The following FAM83F variants were observed in gnomAD, a reference collection of about 807,000 sequenced individuals.
FAM83F encodes the protein protein FAM83F.
In FAM83F, 45 loss-of-function variants were observed where a neutral mutation model predicts 42.9. That is an observed-to-expected ratio of 1.05 (90% CI 0.83 to 1.35). FAM83F has a LOEUF of 1.35. Among genes scored for constraint, FAM83F ranks in the 40% most tolerant of loss-of-function variants. The pLI, the probability that FAM83F is intolerant of heterozygous loss-of-function variation, is 0.00. For synonymous variants in FAM83F, 306 were observed against 298.3 expected (o/e 1.03, Z -0.27); for missense variants, 617 against 695.9 (o/e 0.89, Z 1.28).
At chr22:40,010,385 G>A (rs976082342) in intron 1 of FAM83F, among the ~76,000 whole-genome samples, 12 of 152,192 alleles carry the variant, frequency 7.9e-5, no homozygotes, top group Non-Finnish European at 1.6e-4. Context: ...AGACCAAAGC[G>A]GAGGGTAATT....
intron 1 of FAM83F, among the ~76,000 whole-genome samples, chr22:40,006,069 G>A (rs144008558): frequency 0.015 from 2,286 of 152,220 alleles, 44 homozygotes; most frequent in African/African-American, 0.052. Flanking sequence ...GCGAAGCCCC[G>A]TCTCTACTGA....
At chr22:40,000,137 A>G (rs2067391745) in intron 1 of FAM83F, among the ~76,000 whole-genome samples, 1 of 152,194 alleles carries the variant, frequency 6.6e-6, no homozygotes, top group Admixed American at 6.5e-5. Context: ...TGGGGAAGCA[A>G]GTGTCTGGAG....
intron 1 of FAM83F, among the ~76,000 whole-genome samples, chr22:40,007,721 GTCC>G (rs1430826379): frequency 3.2e-5 from 4 of 125,042 alleles, no homozygotes; most frequent in Non-Finnish European, 1.7e-5. Context: ...TCTTCCTCCT[GTCC>G]TCCTCCTCTC....
intron 1 of FAM83F, among the ~76,000 whole-genome samples, chr22:40,007,485 C>T (rs2067439752): frequency 9.5e-5 from 2 of 21,070 alleles, no homozygotes; most frequent in East Asian, 1.6e-3. Flanking sequence ...TCCTCCTCCT[C>T]TCCTCTCCTC....
At chr22:39,996,526 T>C (rs1240515401) in intron 1 of FAM83F, among the ~76,000 whole-genome samples, 1 of 152,220 alleles carries the variant, frequency 6.6e-6, no homozygotes, top group Non-Finnish European at 1.5e-5. Context: ...ACACTGAGAT[T>C]TGTTAAGAAA....
intron 3 of FAM83F, 110 bp downstream of exon 3, chr22:40,020,118 T>G: frequency 7.0e-7 from 1 of 1,431,482 alleles, no homozygotes; most frequent in Non-Finnish European, 9.3e-7. Context: ...ACAGGGATCA[T>G]CTGACGCAAT....
rs1410730489 is a variant in FAM83F, at chr22:39,995,153, G to T, written c.111G>T (p.Ala37=). 5.8e-6 allele frequency: 8 copies of T among 1,383,108 alleles called. No individual in the cohort carries two copies. The East Asian group carries it at 2.1e-4, about 36-fold the overall frequency. 85.7% of individuals were successfully genotyped at this position (1,383,108 alleles called of 1,614,324 possible). A position where few individuals can be genotyped will look rare whatever the true frequency, so the allele number is the denominator to read the frequency against. ...YCERRRAALE[A]LLGGGEQAYR... is the part of the protein sequence containing the mutation. The stretch of plus-strand genomic sequence containing the variant: ...AGCGGCGGCGGGCCGCGCTGGAGGC[G>T]CTGCTGGGCGGCGGCGAGCAGGCCT... The change falls in exon 1 of 5, where the codon GCG becomes GCT. Residue 37 remains alanine (A), a synonymous_variant. Coordinates refer to ENST00000333407, the MANE Select transcript of FAM83F (RefSeq NM_138435.4). This position sits in a 1 kb window ranked among gnomAD's most constrained non-coding sequence, Gnocchi z 4.6.
In FAM83F at chr22:39,995,516, C is replaced by T. The variant is rs1371453338; in HGVS notation, c.474C>T (p.Ile158=). 6.4e-7 allele frequency: 1 copy of T among 1,569,522 alleles called. No homozygotes were observed. Among genetic ancestry groups the T allele is most frequent in the Admixed American group, 1.8e-5 (1 of 54,784 alleles). Residue 158 remains isoleucine (I), a synonymous_variant, in exon 1 of 5, where the codon ATC becomes ATT. Transcript: ENST00000333407. This position sits in a 1 kb window ranked among gnomAD's most constrained non-coding sequence, Gnocchi z 4.6. ...TCAAGCAGGTGGTCAGGCAGATGAT[C>T]CAACAGGCCCAGAAGGTAGGCCCCC... ...PHLKQVVRQM[I]QQAQKVIAVV... is the part of the protein sequence containing the mutation.
rs1229339322 is a variant in FAM83F at position 39,995,003 on chromosome 22, GCGGGGCCGGGGCCAGGGC to G, written c.-26_-9del. ...TGCGGCTGTGGGACCTCGGACCGCG[GCGGGGCCGGGGCCAGGGC>G]CGGGGCCGGGGCCGGGGCGCCATGG... is the stretch of plus-strand genomic sequence containing the variant. On this transcript the variant is annotated 5_prime_UTR_variant, in exon 1 of 5. Transcript: ENST00000333407. The surrounding 1 kb of genome is among the most constrained non-coding windows in gnomAD (Gnocchi z 4.6). The G allele has an allele frequency of 4.7e-4, 565 of 1,209,256 alleles. No homozygotes were observed. The highest frequency in any genetic ancestry group is 5.3e-4 in the Non-Finnish European group (529 of 988,974). 74.9% of individuals were successfully genotyped at this position (1,209,256 alleles called of 1,614,324 possible). A position where few individuals can be genotyped will look rare whatever the true frequency, so the allele number is the denominator to read the frequency against.
intron 1 of FAM83F, among the ~76,000 whole-genome samples, chr22:40,000,253 G>A (rs1488923628): frequency 6.6e-6 from 1 of 152,168 alleles, no homozygotes; most frequent in Non-Finnish European, 1.5e-5. Context: ...GATATGGGGT[G>A]CAGGGAGGGA....
At chr22:40,018,422 T>C (rs12166056) in intron 1 of FAM83F, among the ~76,000 whole-genome samples, 1 of 152,154 alleles carries the variant, frequency 6.6e-6, no homozygotes, top group Non-Finnish European at 1.5e-5. Context: ...AGATCTCCCA[T>C]GATATGGCTT....
chr22:40,010,400 C>T (rs2067456639), intron 1 of FAM83F, among the ~76,000 whole-genome samples: 1 of 152,208 alleles, frequency 6.6e-6, no homozygotes, highest in Non-Finnish European at 1.5e-5. Context: ...GTAATTATCA[C>T]TTCTCCACAA....
chr22:40,007,573 T>C (rs1601764790), intron 1 of FAM83F, among the ~76,000 whole-genome samples: 1 of 45,328 alleles, frequency 2.2e-5, no homozygotes, highest in African/African-American at 9.0e-5. Flanking sequence ...CTCCTCCTCC[T>C]CTCCTCTCCT....
rs2067591271 is a variant in FAM83F, at chr22:40,032,067, C to T, written c.*2502C>T. 1 of 152,330 alleles carries T rather than the reference C, an allele frequency of 6.6e-6. No homozygotes were observed. The highest frequency in any genetic ancestry group is 1.9e-4 in the East Asian group (1 of 5,202). 9.4% of individuals were successfully genotyped at this position (152,330 alleles called of 1,614,324 possible). A position where few individuals can be genotyped will look rare whatever the true frequency, so the allele number is the denominator to read the frequency against. On this transcript the variant is annotated 3_prime_UTR_variant, in exon 5 of 5. Coordinates refer to ENST00000333407, the MANE Select transcript of FAM83F (RefSeq NM_138435.4). ...TTCAAGGGTGGATCATGCCCTTGGT[C>T]CCTGCACAGCAGCTTCTGCAAGGCT...
At chr22:40,022,548 C>T (rs888191175) in intron 4 of FAM83F, among the ~76,000 whole-genome samples, 6 of 152,172 alleles carry the variant, frequency 3.9e-5, no homozygotes, top group African/African-American at 1.2e-4. Flanking sequence ...GGTTTCTCCA[C>T]GTCCCTCTGC....
chr22:40,022,497 C>T (rs1406327230), intron 4 of FAM83F, among the ~76,000 whole-genome samples: 2 of 152,152 alleles, frequency 1.3e-5, no homozygotes, highest in Non-Finnish European at 2.9e-5. Context: ...CTACTGGTGC[C>T]CTGACCCAGT....
chr22:40,007,421 CCTCCT>C (rs1163329253), intron 1 of FAM83F, among the ~76,000 whole-genome samples: 2 of 40,338 alleles, frequency 5.0e-5, no homozygotes, highest in African/African-American at 1.3e-4. Context: ...CTCCTGTCCT[CCTCCT>C]CTCCTCTCCT....
intron 1 of FAM83F, among the ~76,000 whole-genome samples, chr22:39,996,740 G>C (rs979919434): frequency 1.8e-4 from 28 of 152,324 alleles, no homozygotes; most frequent in Non-Finnish European, 5.9e-5. Flanking sequence ...GGGTGATCTA[G>C]ATAGTTGGCT....
rs2067522447 is a variant in FAM83F, at chr22:40,021,627, A to G, written c.1117A>G (p.Ser373Gly). The G allele has an allele frequency of 6.3e-7, 1 of 1,589,702 alleles. No homozygotes were observed. The highest frequency in any genetic ancestry group is 8.6e-7 in the Non-Finnish European group (1 of 1,162,466). ...SGGESAWRLESFLKDLVTVEQ... is the reference protein window; with the variant it reads ...SGGESAWRLEGFLKDLVTVEQ... ...TGGCGAGTCGGCCTGGCGCCTGGAG[A>G]GCTTCCTGAAAGACCTGGTTACGGT... Residue 373 changes from serine (S) to glycine (G), a missense_variant, in exon 4 of 5, where the codon AGC (serine) becomes GGC (glycine). Transcript: ENST00000333407. The surrounding 1 kb of genome is among the most constrained non-coding windows in gnomAD (Gnocchi z 8.7).
Sources: gnomAD v4.1 joint callset for allele counts (sites outside exome capture counted in the v4.1 genomes callset) on GRCh38, gnomAD v4.1.1 for gene constraint, Gnocchi (gnomAD v3.1) non-coding constraint, MANE v1.5 for transcripts, NCBI Gene and HGNC (gene_info 2026-07-23, HGNC 2026-07-21) for gene names.